The following PTBP2 variants were observed in gnomAD, a reference collection of about 807,000 sequenced individuals.
The protein encoded by PTBP2 is polypyrimidine tract-binding protein 2.
In PTBP2, 13 loss-of-function variants were observed where a neutral mutation model predicts 61.4. That is an observed-to-expected ratio of 0.21 (90% confidence interval 0.14 to 0.34). The LOEUF (loss-of-function observed/expected upper bound fraction) is 0.34, where lower values mean the gene tolerates loss of function less well. Ranked by LOEUF, PTBP2 falls within the 10% of genes least tolerant of loss-of-function variation. The probability of loss-of-function intolerance (pLI) is 1.00; values close to 1 mark genes in which losing one functional copy is unlikely to be tolerated. For synonymous variants in PTBP2, 215 were observed against 218.5 expected, an observed-to-expected ratio of 0.98 and a Z score of 0.14; for missense variants, 405 against 642.6, an observed-to-expected ratio of 0.63 and a Z score of 4.00.
intron 2 of PTBP2, chr1:96,751,139 A>G (rs1251805383): frequency 4.9e-6 from 2 of 408,510 alleles, no homozygotes; most frequent in Middle Eastern, 7.6e-4. Flanking sequence ...TTGTTTGTAA[A>G]CAATTGAGAT....
chr1:96,747,848 T>TA (rs1341476175), intron 2 of PTBP2, among the ~76,000 whole-genome samples: 8 of 151,268 alleles, frequency 5.3e-5, no homozygotes, highest in Non-Finnish European at 7.4e-5. Flanking sequence ...TCTCCTTGTT[T>TA]AAAAAAAAAG....
intron 9 of PTBP2, 105 bp downstream of exon 9, chr1:96,805,044 A>T: frequency 1.1e-6 from 1 of 870,328 alleles, no homozygotes. Context: ...ATGTACATTC[A>T]TTAGTCAAAG....
intron 11 of PTBP2, among the ~76,000 whole-genome samples, chr1:96,808,805 AC>A (rs1661749255): frequency 6.7e-6 from 1 of 148,948 alleles, no homozygotes; most frequent in Non-Finnish European, 1.5e-5. Context: ...AAACACACAC[AC>A]ACAAACACAC....
intron 2 of PTBP2, among the ~76,000 whole-genome samples, chr1:96,730,744 G>C (rs972148408): frequency 1.3e-5 from 2 of 152,078 alleles, no homozygotes; most frequent in Non-Finnish European, 2.9e-5. Flanking sequence ...TCAGGCTCTT[G>C]GCTCTTTCAC....
At chr1:96,819,309 A>G (rs1662596804), downstream of PTBP2, 1 of 152,062 alleles carries the variant, frequency 6.6e-6, no homozygotes, top group South Asian at 2.1e-4. Flanking sequence ...TACTATAAAT[A>G]TACATTACCT....
At chr1:96,819,781 A>T (rs553150739), downstream of PTBP2, 29 of 151,480 alleles carry the variant, frequency 1.9e-4, no homozygotes, top group East Asian at 4.7e-3. Flanking sequence ...GGTTGAAATC[A>T]CTAGTAGTGA....
Position 96,813,211 on chromosome 1 carries a change from C to G in PTBP2, c.1467-65C>G, listed in dbSNP as rs755720277. 7.7e-6 allele frequency: 12 copies of G among 1,551,262 alleles called. No individual in the cohort carries two copies. The Admixed American group carries it at 2.5e-4, about 32-fold the overall frequency. On this transcript the variant is annotated intron_variant, in intron 13 of 13. Coordinates refer to ENST00000674951, the MANE Select transcript of PTBP2 (RefSeq NM_021190.4). ...TTTTGATTCCGGAATGGCCAAAATT[C>G]AAGTATTTAATAAGCCCTTTCTAAT...
intron 9 of PTBP2, 37 bp downstream of exon 9, chr1:96,804,976 C>T (rs751375810): frequency 2.8e-6 from 4 of 1,442,888 alleles, no homozygotes; most frequent in Middle Eastern, 5.2e-4. Flanking sequence ...TTCTTTAACT[C>T]CATTTCATTT....
At chr1:96,740,369 C>T (rs72974589) in intron 2 of PTBP2, among the ~76,000 whole-genome samples, 6,799 of 152,152 alleles carry the variant, frequency 0.045, 475 homozygotes, top group African/African-American at 0.15. Context: ...TGTGAGCACA[C>T]TTTGGGGGAG....
intron 8 of PTBP2, among the ~76,000 whole-genome samples, chr1:96,787,140 C>G (rs1346732562): frequency 6.6e-6 from 1 of 152,168 alleles, no homozygotes; most frequent in African/African-American, 2.4e-5. Flanking sequence ...CCCGCCTCAG[C>G]CTCCTGAGCA....
At chr1:96,783,492 A>C (rs1361265725) in intron 7 of PTBP2, among the ~76,000 whole-genome samples, 5 of 151,914 alleles carry the variant, frequency 3.3e-5, no homozygotes, top group African/African-American at 1.2e-4. Flanking sequence ...AAAGAATTCA[A>C]CTCCTAAAAA....
At chr1:96,816,439 ATATT>A (rs1489894590), downstream of PTBP2, 8 of 152,204 alleles carry the variant, frequency 5.3e-5, no homozygotes, top group African/African-American at 1.7e-4. Context: ...CTTAACTTGA[ATATT>A]TAGAAATAAT....
exon 14 of PTBP2, chr1:96,822,698 A>G (rs1233137265): frequency 1.3e-5 from 2 of 152,208 alleles, no homozygotes; most frequent in Admixed American, 6.5e-5. Flanking sequence ...TTAAAATTAC[A>G]AAATTAAGAC....
intron 2 of PTBP2, among the ~76,000 whole-genome samples, chr1:96,742,599 T>C (rs1442323321): frequency 6.6e-6 from 1 of 151,732 alleles, no homozygotes; most frequent in African/African-American, 2.4e-5. Flanking sequence ...AATTTGATCC[T>C]GAACTCCTTT....
At position 96,784,612 on chromosome 1, in the gene PTBP2, A is replaced by G. The variant is rs533173026; in HGVS notation, c.709-447A>G. ...ATTTGGTTTGAAGCAACTTTGTACA[A>G]TGTGGCATCAAATAGCAGTTACCTT... On this transcript the variant is annotated intron_variant, in intron 7 of 13. Coordinates refer to ENST00000674951, the MANE Select transcript of PTBP2 (RefSeq NM_021190.4). Among the ~76,000 whole-genome samples, 6 of 152,266 alleles carry G rather than the reference A, an allele frequency of 3.9e-5. No individual in the cohort carries two copies. In the South Asian group the frequency reaches 6.2e-4, roughly 16 times the overall value.
At chr1:96,724,448 C>G (rs1010253801) in intron 2 of PTBP2, among the ~76,000 whole-genome samples, 5 of 151,816 alleles carry the variant, frequency 3.3e-5, no homozygotes, top group African/African-American at 1.2e-4. Flanking sequence ...GGCATTTCAC[C>G]CTGTTGGTCA....
intron 2 of PTBP2, among the ~76,000 whole-genome samples, chr1:96,747,777 TTCACTGA>T (rs1351321731): frequency 6.6e-6 from 1 of 152,082 alleles, no homozygotes; most frequent in African/African-American, 2.4e-5. Context: ...ATATTGTTGC[TTCACTGA>T]TCCCTAGGCT....
chr1:96,794,467 G>C (rs1660165699), intron 8 of PTBP2, among the ~76,000 whole-genome samples: 1 of 152,206 alleles, frequency 6.6e-6, no homozygotes, highest in Non-Finnish European at 1.5e-5. Context: ...GGGAGGTAAA[G>C]GTTATGCAGA....
At chr1:96,803,640 G>C (rs951230516) in intron 8 of PTBP2, among the ~76,000 whole-genome samples, 1 of 152,104 alleles carries the variant, frequency 6.6e-6, no homozygotes, top group African/African-American at 2.4e-5. Flanking sequence ...AAAGGTCATA[G>C]TAGTTTCTAT....
Sources: allele counts gnomAD v4.1 joint callset (sites outside exome capture counted in the v4.1 genomes callset), GRCh38; gene constraint gnomAD v4.1.1; transcripts MANE v1.5; gene names NCBI Gene and HGNC (gene_info 2026-07-23, HGNC 2026-07-21).